Variants in NECAB2 observed in about 807,000 individuals in gnomAD.
The protein encoded by NECAB2 is N-terminal EF-hand calcium-binding protein 2.
A neutral mutation model predicts 51.9 loss-of-function variants in NECAB2; 68 were observed. The observed-to-expected ratio is 1.31, with a 90% confidence interval of 1.08 to 1.60. NECAB2 has a LOEUF of 1.60. NECAB2 is among the 40% of genes most tolerant of loss of function. The probability of loss-of-function intolerance (pLI) is 0.00; values close to 1 mark genes in which losing one functional copy is unlikely to be tolerated. For missense variants in NECAB2, 854 were observed against 490.3 expected, an observed-to-expected ratio of 1.74 and a Z score of -7.00; for synonymous variants, 329 against 203.5, an observed-to-expected ratio of 1.62 and a Z score of -5.25.
chr16:83,973,556 G>A (rs999891650), intron 2 of NECAB2, among the ~76,000 whole-genome samples: 8 of 152,158 alleles, frequency 5.3e-5, no homozygotes, highest in Non-Finnish European at 2.9e-5. Context: ...AAAAACAGCC[G>A]TAGCATCATG....
intron 6 of NECAB2, 77 bp downstream of exon 6, chr16:83,990,707 G>T: frequency 6.4e-7 from 1 of 1,565,948 alleles, no homozygotes; most frequent in Non-Finnish European, 8.7e-7. Context: ...GCTTGGTGGG[G>T]ATGTCTGTGT....
intron 5 of NECAB2, among the ~76,000 whole-genome samples, chr16:83,987,116 A>C (rs772360143): frequency 3.9e-5 from 6 of 152,208 alleles, no homozygotes; most frequent in Non-Finnish European, 5.9e-5. Context: ...AAATAAATAA[A>C]TGTTGGAAAA....
intron 9 of NECAB2, 142 bp downstream of exon 9, chr16:83,997,411 C>A: frequency 9.5e-7 from 1 of 1,049,130 alleles, no homozygotes; most frequent in South Asian, 1.5e-5. Context: ...GCGCTTGGCA[C>A]CCAGACCCTG....
intron 5 of NECAB2, among the ~76,000 whole-genome samples, chr16:83,986,180 C>G (rs912855123): frequency 6.6e-6 from 1 of 152,136 alleles, no homozygotes; most frequent in Non-Finnish European, 1.5e-5. Context: ...CCACGCCCGG[C>G]TAATTTTTGT....
chr16:84,002,391 T>C lies in NECAB2; in HGVS notation c.*45T>C, dbSNP rs894485862. The C allele has an allele frequency of 2.5e-6, 4 of 1,591,580 alleles. No homozygotes were observed. Among genetic ancestry groups the C allele is most frequent in the African/African-American group, 3.1e-5 (2 of 64,176 alleles). ...GGAGGAGCCCACCAGCCCCTTCTTC[T>C]TGTGAAGGAAATCCCGTTTTTTTCT... On this transcript the variant is annotated 3_prime_UTR_variant, in exon 13 of 13. Transcript: ENST00000305202.
Position 84,000,769 on chromosome 16 carries a change from T to A in NECAB2, c.1008T>A (p.Tyr336Ter). 6.2e-7 allele frequency: 1 copy of A among 1,613,808 alleles called. No homozygotes were observed. Among genetic ancestry groups the A allele is most frequent in the East Asian group, 2.2e-5 (1 of 44,874 alleles). ...RLSDGFTFVI[Y>*]EFWETEEAWK... ...CAGATGGCTTCACCTTTGTCATCTA[T>A]GAGTTCTGGGAGACAGAGGAGGCGT... Residue 336 changes from tyrosine (Y) to a stop codon, truncating the protein, a stop_gained, in exon 11 of 13, where the codon TAT (tyrosine) becomes TAA (stop). Coordinates refer to ENST00000305202, the MANE Select transcript of NECAB2 (RefSeq NM_019065.3). LOFTEE classifies it high-confidence loss of function.
chr16:83,987,092 C>G (rs2084566182), intron 5 of NECAB2, among the ~76,000 whole-genome samples: 1 of 152,146 alleles, frequency 6.6e-6, no homozygotes, highest in Admixed American at 6.5e-5. Flanking sequence ...AACAAGTTCT[C>G]AAATCCATCT....
chr16:83,990,531 C>A lies in NECAB2; in HGVS notation c.497C>A (p.Thr166Asn), dbSNP rs763808340. The A allele has an allele frequency of 7.4e-6, 12 of 1,614,134 alleles. No homozygotes were observed. The South Asian group carries it at 1.2e-4, about 16-fold the overall frequency. Residue 166 changes from threonine to asparagine, a missense_variant, in exon 6 of 13, where the codon ACC becomes AAC. Thr to Asn is a moderately conservative substitution (Grantham distance 65). Transcript: ENST00000305202. ...GGGAGCAACGTGGACCAGTTTGTGA[C>A]CCGCTTCCTCCTGAAGGAGACGGCC... is the stretch of plus-strand genomic sequence containing the variant. The part of the protein sequence containing the change: ...EGGSNVDQFV[T>N]RFLLKETANQ...
At chr16:83,992,528 T>C (rs768827727) in intron 6 of NECAB2, among the ~76,000 whole-genome samples, 3 of 152,276 alleles carry the variant, frequency 2.0e-5, no homozygotes, top group Middle Eastern at 3.4e-3. Flanking sequence ...CCAAGCTCGA[T>C]TGAGCCCTTA....
intron 5 of NECAB2, among the ~76,000 whole-genome samples, chr16:83,982,933 A>G (rs562154419): frequency 3.2e-4 from 48 of 151,556 alleles, no homozygotes; most frequent in Non-Finnish European, 4.0e-4. Context: ...CAGTGATACA[A>G]TGTCGCCTCA....
intron 5 of NECAB2, among the ~76,000 whole-genome samples, chr16:83,981,674 G>A (rs1182359671): frequency 1.3e-5 from 2 of 152,144 alleles, no homozygotes; most frequent in African/African-American, 4.8e-5. Flanking sequence ...TGCTGGCTGG[G>A]ATGAGTGGGG....
intron 9 of NECAB2, among the ~76,000 whole-genome samples, chr16:83,997,738 C>T (rs2084735054): frequency 6.6e-6 from 1 of 151,954 alleles, no homozygotes; most frequent in Non-Finnish European, 1.5e-5. Flanking sequence ...CATGATCTGC[C>T]CACCTTGGCC....
At position 83,981,132 on chromosome 16, in the gene NECAB2, G is replaced by C. The variant is rs2084483588; in HGVS notation, c.459+5G>C. ...GCCATGGGTTATACCAAGAAGGTCA[G>C]TGGGTGTAGGTGGCCCCCGGGGTCC... On this transcript the variant is annotated splice_donor_5th_base_variant and intron_variant, in intron 5 of 12. Coordinates refer to ENST00000305202, the MANE Select transcript of NECAB2 (RefSeq NM_019065.3). 2.5e-6 allele frequency: 4 copies of C among 1,607,574 alleles called. No individual in the cohort carries two copies. Among genetic ancestry groups the C allele is most frequent in the Non-Finnish European group, 3.4e-6 (4 of 1,177,324 alleles).
At chr16:83,995,907 G>C (rs2084691668) in intron 8 of NECAB2, among the ~76,000 whole-genome samples, 1 of 152,200 alleles carries the variant, frequency 6.6e-6, no homozygotes, top group Non-Finnish European at 1.5e-5. Flanking sequence ...CTCAGCGGGC[G>C]CCTCGGGAGG....
At chr16:83,984,570 A>G (rs1322916638) in intron 5 of NECAB2, among the ~76,000 whole-genome samples, 1 of 152,030 alleles carries the variant, frequency 6.6e-6, no homozygotes, top group African/African-American at 2.4e-5. Context: ...CAAAAACAAA[A>G]CAAAACAAAA....
intron 10 of NECAB2, 61 bp downstream of exon 10, chr16:83,998,378 G>T (rs547104178): frequency 2.6e-5 from 39 of 1,506,272 alleles, no homozygotes; most frequent in Non-Finnish European, 3.3e-5. Context: ...GGCAGTGGAG[G>T]AACAGGGCAG....
chr16:83,994,719 C>T, intron 8 of NECAB2, 31 bp downstream of exon 8: 1 of 1,609,684 alleles, frequency 6.2e-7, no homozygotes, highest in Non-Finnish European at 8.5e-7. Flanking sequence ...GGCGTCTACT[C>T]CTTCCAACCC....
At chr16:83,973,273 C>A (rs1311613141) in intron 2 of NECAB2, among the ~76,000 whole-genome samples, 1 of 152,234 alleles carries the variant, frequency 6.6e-6, no homozygotes, top group East Asian at 1.9e-4. Context: ...TGGCCTGGGT[C>A]TCCAGCACCC....
chr16:83,983,356 C>T lies in NECAB2; in HGVS notation c.459+2229C>T, dbSNP rs562375861. 7.2e-5 allele frequency among the ~76,000 whole-genome samples: 11 copies of T among 152,274 alleles called. No homozygotes were observed. The East Asian group carries it at 2.1e-3, about 29-fold the overall frequency. ...TCCCTGTCTATCCTGTGGCATTTCT[C>T]TCATGTTCTAAAACGTCGTGGTGGG... On this transcript the variant is annotated intron_variant, in intron 5 of 12. Transcript: ENST00000305202.
Sources: allele counts gnomAD v4.1 joint callset (sites outside exome capture counted in the v4.1 genomes callset), GRCh38; gene constraint gnomAD v4.1.1; transcripts MANE v1.5; gene names NCBI Gene and HGNC (gene_info 2026-07-23, HGNC 2026-07-21).